Variants in FRMPD4 observed in about 807,000 individuals in gnomAD.
FRMPD4 encodes the protein FERM and PDZ domain-containing protein 4.
Under a neutral mutation model 94.1 loss-of-function variants are expected in FRMPD4, and 22 were observed. The ratio of observed to expected loss-of-function variants is 0.23; its 90% CI spans 0.17 to 0.33. FRMPD4 has a LOEUF of 0.33. Among genes scored for constraint, FRMPD4 ranks in the 10% least tolerant of loss-of-function variants. The probability of loss-of-function intolerance (pLI) is 1.00; values close to 1 mark genes in which losing one functional copy is unlikely to be tolerated. For missense variants in FRMPD4, 1,111 were observed against 1,339.9 expected, an observed-to-expected ratio of 0.83 and a Z score of 2.67; for synonymous variants, 631 against 548.6, an observed-to-expected ratio of 1.15 and a Z score of -2.10.
chrX:12,228,781 T>C (rs1345858983), intron 1 of FRMPD4, among the ~76,000 whole-genome samples: 1 of 112,408 alleles, frequency 8.9e-6, no homozygotes, highest in African/African-American at 3.2e-5. Context: ...GTGAATTCGT[T>C]GAGCATTCAG....
chrX:12,045,623 C>T (rs1263079258), intron 3 of FRMPD4, among the ~76,000 whole-genome samples: 3 of 110,918 alleles, frequency 2.7e-5, no homozygotes, highest in African/African-American at 9.8e-5. Flanking sequence ...GATACATTAC[C>T]CTGATTTTCT....
chrX:12,120,995 A>C (rs961603364), intron 3 of FRMPD4, among the ~76,000 whole-genome samples: 1 of 108,940 alleles, frequency 9.2e-6, no homozygotes, highest in African/African-American at 3.3e-5. Flanking sequence ...TATAATAATA[A>C]TACTAATTTT....
At chrX:12,546,177 C>CTTTTTTTTTTTTTT (rs11321204) in intron 2 of FRMPD4, among the ~76,000 whole-genome samples, 1 of 91,941 alleles carries the variant, frequency 1.1e-5, no homozygotes. Flanking sequence ...TGCCAACTGT[C>CTTTTTTTTTTTTTT]TTTTTTTTTT....
In FRMPD4 at chrX:11,905,422, T is replaced by C. The variant is rs910750880; in HGVS notation, c.95+27404T>C. Among the ~76,000 whole-genome samples the C allele has an allele frequency of 4.5e-5, 5 of 112,010 alleles. No individual in the cohort carries two copies. In the Admixed American group the frequency reaches 4.7e-4, roughly 11 times the overall value. ...GAGATATTAAACCAGGAATTCCCTA[T>C]CTTCTTTTATTTTGAAATAATAAAA... On this transcript the variant is annotated intron_variant, in intron 3 of 18. Coordinates refer to the FRMPD4 transcript ENST00000640291.
intron 1 of FRMPD4, among the ~76,000 whole-genome samples, chrX:12,194,165 G>C (rs1247030143): frequency 9.0e-6 from 1 of 110,827 alleles, no homozygotes; most frequent in South Asian, 3.9e-4. Context: ...GCAAGTTCAG[G>C]AGGGCCTGTG....
chrX:11,916,006 A>G (rs2054022718), intron 3 of FRMPD4, among the ~76,000 whole-genome samples: 2 of 112,130 alleles, frequency 1.8e-5, no homozygotes, highest in South Asian at 7.5e-4. Context: ...TGAACACCCA[A>G]AAGAGGCAGC....
chrX:12,099,809 C>T (rs1364397169), intron 3 of FRMPD4, among the ~76,000 whole-genome samples: 1 of 112,471 alleles, frequency 8.9e-6, no homozygotes, highest in African/African-American at 3.2e-5. Flanking sequence ...AGCTCTGAAA[C>T]AGATGGTTCA....
chrX:12,568,855 C>T (rs1234158786), intron 2 of FRMPD4, among the ~76,000 whole-genome samples: 1 of 111,822 alleles, frequency 8.9e-6, no homozygotes, highest in Non-Finnish European at 1.9e-5. Context: ...TTCAGAGTTA[C>T]ATGTTCTATA....
intron 1 of FRMPD4, among the ~76,000 whole-genome samples, chrX:11,839,115 T>C (rs1017287004): frequency 5.4e-5 from 6 of 111,324 alleles, no homozygotes; most frequent in African/African-American, 2.0e-4. Context: ...TATATAAGGG[T>C]TCTAGTTTCT....
At chrX:11,960,949 C>T (rs762726106) in intron 3 of FRMPD4, among the ~76,000 whole-genome samples, 1 of 112,167 alleles carries the variant, frequency 8.9e-6, no homozygotes, top group African/African-American at 3.2e-5. Flanking sequence ...TGCGTATAAC[C>T]AGTATTGGAA....
intron 3 of FRMPD4, among the ~76,000 whole-genome samples, chrX:11,927,970 C>T (rs1199732140): frequency 8.9e-6 from 1 of 112,084 alleles, no homozygotes. Context: ...AACAGACAAC[C>T]TACAGAATGG....
intron 1 of FRMPD4, among the ~76,000 whole-genome samples, chrX:12,248,939 T>C (rs1334869778): frequency 8.9e-6 from 1 of 112,383 alleles, no homozygotes; most frequent in Non-Finnish European, 1.9e-5. Context: ...CTCCGGAGAC[T>C]GAGGCAGGAG....
At chrX:12,367,582 G>A (rs1276854533) in intron 1 of FRMPD4, among the ~76,000 whole-genome samples, 3 of 111,626 alleles carry the variant, frequency 2.7e-5, no homozygotes, top group Non-Finnish European at 3.8e-5. Context: ...CCAGTTACGG[G>A]GCCGCTGCAC....
intron 2 of FRMPD4, among the ~76,000 whole-genome samples, chrX:11,870,561 T>C (rs1026171567): frequency 3.6e-5 from 4 of 111,642 alleles, no homozygotes; most frequent in African/African-American, 1.3e-4. Context: ...AGCAGGAGAC[T>C]GGGTTTTCAG....
chrX:12,587,708 A>G (rs1355744817), intron 2 of FRMPD4, among the ~76,000 whole-genome samples: 1 of 110,429 alleles, frequency 9.1e-6, no homozygotes, highest in African/African-American at 3.3e-5. Context: ...CCATTCATGC[A>G]TATTTGGGTT....
At chrX:12,560,950 T>C (rs1278220630) in intron 2 of FRMPD4, among the ~76,000 whole-genome samples, 2 of 97,968 alleles carry the variant, frequency 2.0e-5, no homozygotes, top group Non-Finnish European at 4.1e-5. Context: ...TTTGTATTTT[T>C]AGTAGAGACG....
At chrX:12,467,901 C>A (rs2057466145) in intron 1 of FRMPD4, among the ~76,000 whole-genome samples, 1 of 111,463 alleles carries the variant, frequency 9.0e-6, no homozygotes, top group Non-Finnish European at 1.9e-5. Flanking sequence ...AAAAAAAGAT[C>A]AAAAATATTA....
intron 3 of FRMPD4, among the ~76,000 whole-genome samples, chrX:12,031,629 T>C (rs962585660): frequency 2.8e-4 from 31 of 111,422 alleles, no homozygotes; most frequent in African/African-American, 9.5e-4. Flanking sequence ...ATCTAGTGGG[T>C]GGAGGCCAGT....
At chrX:12,393,804 A>G (rs913136311) in intron 1 of FRMPD4, among the ~76,000 whole-genome samples, 2 of 112,218 alleles carry the variant, frequency 1.8e-5, no homozygotes, top group Non-Finnish European at 3.8e-5. Context: ...GTGAAGGAAT[A>G]CAAGGTAATA....
Sources: allele counts gnomAD v4.1 joint callset (sites outside exome capture counted in the v4.1 genomes callset), GRCh38; gene constraint gnomAD v4.1.1; transcripts MANE v1.5; gene names NCBI Gene and HGNC (gene_info 2026-07-23, HGNC 2026-07-21).